Variants in DEFB136 observed in about 807,000 individuals in gnomAD.
DEFB136 encodes beta-defensin 136.
A neutral mutation model predicts 2.4 loss-of-function variants in DEFB136; 6 were observed. The ratio of observed to expected loss-of-function variants is 2.45; its 90% CI spans 1.34 to 4.84. DEFB136 has a LOEUF of 4.84. DEFB136 is among the 30% of genes most tolerant of loss of function. The pLI is 0.00. For synonymous variants in DEFB136, 47 were observed against 35.2 expected, an observed-to-expected ratio of 1.33 and a Z score of -1.18; for missense variants, 126 against 98.4, an observed-to-expected ratio of 1.28 and a Z score of -1.19.
chr8:11,973,964 C>T lies in DEFB136; in HGVS notation c.210G>A (p.Pro70=), dbSNP rs754092314. The change falls in exon 2 of 2, where the codon CCG becomes CCA. Residue 70 remains proline (P), a synonymous_variant. Transcript: ENST00000382209. The stretch of plus-strand genomic sequence containing the variant: ...AATGAACCCATGGATCTTTGGCTTG[C>T]GGGGGTTGAAAACGTGTCATATTTT... ...CCKNMTRFQP[P]QAKDPWVH The T allele has an allele frequency of 4.6e-5, 73 of 1,600,134 alleles. No individual in the cohort carries two copies. The highest frequency in any genetic ancestry group is 6.9e-5 in the Admixed American group (4 of 57,916).
intron 1 of DEFB136, 148 bp from the exon 2 acceptor site, chr8:11,974,266 A>G (rs1050439996): frequency 8.7e-7 from 1 of 1,152,320 alleles, no homozygotes; most frequent in Non-Finnish European, 1.2e-6. Context: ...GATAAAGCTC[A>G]GGGTAGCCAG....
chr8:11,974,515 T>C, intron 1 of DEFB136, 30 bp downstream of exon 1: 1 of 1,612,788 alleles, frequency 6.2e-7, no homozygotes, highest in South Asian at 1.1e-5. Context: ...ACACCCACTT[T>C]TATGTTCAGA....
chr8:11,974,294 T>C (rs1799550524), intron 1 of DEFB136, among the ~76,000 whole-genome samples, 176 bp from the exon 2 acceptor site: 1 of 152,024 alleles, frequency 6.6e-6, no homozygotes, highest in African/African-American at 2.4e-5. Flanking sequence ...GGAGGGGAGA[T>C]AGGAATCTGG....
intron 1 of DEFB136, 116 bp downstream of exon 1, chr8:11,974,429 G>A (rs1167702509): frequency 4.7e-6 from 6 of 1,263,762 alleles, no homozygotes; most frequent in Non-Finnish European, 5.7e-6. Flanking sequence ...CCCCTAACAT[G>A]GTGGCCCATT....
rs746982149 is a variant in DEFB136, at chr8:11,974,045, C to T, written c.129G>A (p.Gly43=). Residue 43 remains glycine, a synonymous_variant, in exon 2 of 2, where the codon GGG becomes GGA. Coordinates refer to ENST00000382209, the MANE Select transcript of DEFB136 (RefSeq NM_001033018.2). ...CAATCCACCTGTATCCTGGCGGACA[C>T]CCGAAGAAACATACGGCTTTCTGGC... is the stretch of plus-strand genomic sequence containing the variant. ...CTSQKAVCFF[G]CPPGYRWIAF... The T allele has an allele frequency of 6.8e-6, 11 of 1,611,132 alleles. No homozygotes were observed. In the Admixed American group the frequency reaches 1.8e-4, roughly 27 times the overall value.
intron 1 of DEFB136, 115 bp from the exon 2 acceptor site, chr8:11,974,233 T>G: frequency 1.5e-6 from 2 of 1,311,642 alleles, no homozygotes; most frequent in Non-Finnish European, 2.1e-6. Flanking sequence ...TTACCTCACC[T>G]CTTATCACAA....
In DEFB136 at chr8:11,974,129, G is replaced by T. The variant is rs747576277; in HGVS notation, c.56-11C>A. ...CAAACATACCTTTTCCTGAAGCGGG[G>T]AGAGACCACAGAAAAGAAAAATCAA... On this transcript the variant is annotated splice_polypyrimidine_tract_variant and intron_variant, in intron 1 of 1. Transcript: ENST00000382209. The T allele has an allele frequency of 1.3e-6, 2 of 1,543,698 alleles. No individual in the cohort carries two copies. Among genetic ancestry groups the T allele is most frequent in the African/African-American group, 2.8e-5 (2 of 72,042 alleles).
At chr8:11,974,246 C>T (rs544033105) in intron 1 of DEFB136, 128 bp from the exon 2 acceptor site, 1 of 1,242,928 alleles carries the variant, frequency 8.0e-7, no homozygotes, top group South Asian at 1.5e-5. Context: ...TATCACAACT[C>T]AGCAAGGCAG....
rs186580848 is a variant in DEFB136 at position 11,974,037 on chromosome 8, G to T, written c.137C>A (p.Pro46Gln). Residue 46 changes from proline (P) to glutamine (Q), a missense_variant, in exon 2 of 2, where the codon CCA (proline) becomes CAA (glutamine). Transcript: ENST00000382209. ...GCAGAACGCAATCCACCTGTATCCT[G>T]GCGGACACCCGAAGAAACATACGGC... is the stretch of plus-strand genomic sequence containing the variant. ...QKAVCFFGCPPGYRWIAFCHN... is the reference protein window; with the variant it reads ...QKAVCFFGCPQGYRWIAFCHN... 4 of 1,611,744 alleles carry T rather than the reference G, an allele frequency of 2.5e-6. No homozygotes were observed. In the Admixed American group the frequency reaches 6.7e-5, roughly 27 times the overall value.
At chr8:11,974,179 T>C in intron 1 of DEFB136, 61 bp from the exon 2 acceptor site, 1 of 1,495,244 alleles carries the variant, frequency 6.7e-7, no homozygotes, top group East Asian at 2.4e-5. Flanking sequence ...GGAGAAATCC[T>C]AGGCTTGCCA....
In DEFB136 at chr8:11,974,068, G is replaced by C. The variant is rs1290571591; in HGVS notation, c.106C>G (p.Gln36Glu). 6.2e-7 allele frequency: 1 copy of C among 1,605,310 alleles called. No homozygotes were observed. Residue 36 changes from glutamine (Q) to glutamate (E), a missense_variant, in exon 2 of 2, where the codon CAG becomes GAG. Transcript: ENST00000382209. ...CACCCGAAGAAACATACGGCTTTCTGGCTAGTGCAGGTGCGAACTTTGACT... is the reference window on the plus strand; with the variant it reads ...CACCCGAAGAAACATACGGCTTTCTCGCTAGTGCAGGTGCGAACTTTGACT... ...DGVKVRTCTS[Q>E]KAVCFFGCPP...
At chr8:11,974,387 A>T (rs1027955679) in intron 1 of DEFB136, among the ~76,000 whole-genome samples, 158 bp downstream of exon 1, 6 of 152,320 alleles carry the variant, frequency 3.9e-5, no homozygotes, top group South Asian at 2.1e-4. Context: ...GCAACAGCAG[A>T]GCAGGGCAGG....
At chr8:11,974,278 G>C (rs1799550179) in intron 1 of DEFB136, among the ~76,000 whole-genome samples, 160 bp from the exon 2 acceptor site, 1 of 152,174 alleles carries the variant, frequency 6.6e-6, no homozygotes, top group South Asian at 2.1e-4. Flanking sequence ...GGTAGCCAGA[G>C]GCATTGGAGG....
Position 11,974,064 on chromosome 8 carries a change from T to C in DEFB136, c.110A>G (p.Lys37Arg). The C allele has an allele frequency of 1.2e-6, 2 of 1,607,784 alleles. No individual in the cohort carries two copies. The highest frequency in any genetic ancestry group is 2.2e-5 in the South Asian group (2 of 89,738). Residue 37 changes from lysine to arginine, a missense_variant, in exon 2 of 2, where the codon AAA becomes AGA. Physicochemically the swap from Lys to Arg is conservative, Grantham distance 26. Transcript: ENST00000382209. ...CGGACACCCGAAGAAACATACGGCT[T>C]TCTGGCTAGTGCAGGTGCGAACTTT... ...GVKVRTCTSQ[K>R]AVCFFGCPPG...
chr8:11,974,232 C>A, intron 1 of DEFB136, 114 bp from the exon 2 acceptor site: 3 of 1,316,652 alleles, frequency 2.3e-6, no homozygotes, highest in Non-Finnish European at 3.1e-6. Flanking sequence ...TTTACCTCAC[C>A]TCTTATCACA....
chr8:11,974,018 C>T lies in DEFB136; in HGVS notation c.156G>A (p.Ala52=), dbSNP rs200392778. The change falls in exon 2 of 2, where the codon GCG becomes GCA. Residue 52 remains alanine, a synonymous_variant. Transcript: ENST00000382209. ...AGCAAGACAGAATATTGTGGCAGAA[C>T]GCAATCCACCTGTATCCTGGCGGAC... ...FGCPPGYRWI[A]FCHNILSCCK... is the part of the protein sequence containing the mutation. 7.6e-4 allele frequency: 1,221 copies of T among 1,611,664 alleles called. 3 individuals are homozygous for T. The highest frequency in any genetic ancestry group is 6.6e-4 in the Non-Finnish European group (778 of 1,178,922).
intron 1 of DEFB136, 90 bp from the exon 2 acceptor site, chr8:11,974,208 C>T: frequency 2.8e-6 from 4 of 1,441,768 alleles, no homozygotes; most frequent in East Asian, 2.4e-5. Context: ...TGGTTGATGG[C>T]TTGTTAGTTG....
rs1799557809 is a variant in DEFB136, at chr8:11,974,574, A to G, written c.26T>C (p.Leu9Pro). Reference protein sequence around the residue: MNLCLSALLFFLVILLPSG... With the variant: MNLCLSALPFFLVILLPSG... ...AGGCAGTAAGATCACCAGGAAAAAG[A>G]GTAATGCAGAAAGACAGAGGTTCAT... is the stretch of plus-strand genomic sequence containing the variant. Residue 9 changes from leucine (L) to proline (P), a missense_variant, in exon 1 of 2, where the codon CTC (leucine) becomes CCC (proline). Physicochemically the swap from Leu to Pro is moderately conservative, Grantham distance 98 (BLOSUM62 -3). Transcript: ENST00000382209. The G allele has an allele frequency of 1.2e-6, 2 of 1,614,014 alleles. No homozygotes were observed. Among genetic ancestry groups the G allele is most frequent in the African/African-American group, 1.3e-5 (1 of 74,912 alleles).
intron 1 of DEFB136, among the ~76,000 whole-genome samples, 195 bp downstream of exon 1, chr8:11,974,350 G>A (rs761912329): frequency 6.6e-6 from 1 of 152,190 alleles, no homozygotes; most frequent in South Asian, 2.1e-4. Context: ...CCCCGTCCCC[G>A]GTGCACTGGC....
Sources: allele counts gnomAD v4.1 joint callset (sites outside exome capture counted in the v4.1 genomes callset), GRCh38; gene constraint gnomAD v4.1.1; transcripts MANE v1.5; gene names NCBI Gene and HGNC (gene_info 2026-07-23, HGNC 2026-07-21).